GPC5: variants seen among roughly 807,000 people sequenced by gnomAD.
GPC5 encodes the protein glypican-5.
Under a neutral mutation model 53.9 loss-of-function variants are expected in GPC5, and 47 were observed. That is an observed-to-expected ratio of 0.87 (90% CI 0.69 to 1.11). The LOEUF (loss-of-function observed/expected upper bound fraction) is 1.11. Among genes scored for constraint, GPC5 ranks in the 50% most tolerant of loss-of-function variants. The pLI, the probability that GPC5 is intolerant of heterozygous loss-of-function variation, is 0.00. For missense variants in GPC5, 748 were observed against 713.1 expected, an observed-to-expected ratio of 1.05 and a Z score of -0.56; for synonymous variants, 286 against 263.3, an observed-to-expected ratio of 1.09 and a Z score of -0.84.
At chr13:91,596,389 A>C (rs971035304) in intron 2 of GPC5, among the ~76,000 whole-genome samples, 28 of 152,326 alleles carry the variant, frequency 1.8e-4, no homozygotes, top group African/African-American at 6.3e-4. Flanking sequence ...TATGTGGTTA[A>C]ATATATTGTT....
At chr13:91,600,690 T>C (rs917404685) in intron 2 of GPC5, among the ~76,000 whole-genome samples, 3 of 152,154 alleles carry the variant, frequency 2.0e-5, no homozygotes, top group Admixed American at 6.5e-5. Context: ...CTCACTGTTA[T>C]GTTAGGTTTT....
intron 2 of GPC5, among the ~76,000 whole-genome samples, chr13:91,532,184 TTA>T (rs1436809404): frequency 1.2e-4 from 19 of 152,152 alleles, no homozygotes; most frequent in Admixed American, 5.9e-4. Flanking sequence ...AATATTCATT[TTA>T]TATATGTTAT....
intron 7 of GPC5, among the ~76,000 whole-genome samples, chr13:92,474,148 T>G (rs1055838278): frequency 2.9e-4 from 7 of 24,306 alleles, no homozygotes; most frequent in Admixed American, 1.3e-3. Flanking sequence ...CATTGATCTG[T>G]TTTTTTTTTT....
At chr13:92,347,353 C>T (rs1046349880) in intron 7 of GPC5, among the ~76,000 whole-genome samples, 8 of 152,140 alleles carry the variant, frequency 5.3e-5, no homozygotes, top group Non-Finnish European at 1.2e-4. Flanking sequence ...TCAGGAGAAA[C>T]ACTGCAGGCC....
At chr13:91,697,444 T>G (rs978676262) in intron 3 of GPC5, among the ~76,000 whole-genome samples, 2 of 152,154 alleles carry the variant, frequency 1.3e-5, no homozygotes, top group African/African-American at 4.8e-5. Context: ...CCTGGCCTTC[T>G]CTGATGTTTT....
intron 5 of GPC5, among the ~76,000 whole-genome samples, chr13:91,783,391 C>T (rs2037828563): frequency 6.6e-6 from 1 of 152,072 alleles, no homozygotes; most frequent in Admixed American, 6.6e-5. Context: ...TAGAAACTGA[C>T]AAAAGACAGT....
At chr13:91,694,021 T>C (rs971848558) in intron 3 of GPC5, 140 bp downstream of exon 3, 2 of 719,512 alleles carry the variant, frequency 2.8e-6, no homozygotes, top group African/African-American at 3.6e-5. Flanking sequence ...TATGATAAAA[T>C]TTTGATTGGC....
intron 7 of GPC5, among the ~76,000 whole-genome samples, chr13:92,203,843 G>A (rs565886787): frequency 3.3e-5 from 5 of 149,400 alleles, no homozygotes; most frequent in East Asian, 2.0e-4. Context: ...GGTGAATCTC[G>A]GTAAAACTGC....
At chr13:92,408,451 TTTC>T (rs1209280963) in intron 7 of GPC5, among the ~76,000 whole-genome samples, 1 of 152,160 alleles carries the variant, frequency 6.6e-6, no homozygotes, top group Non-Finnish European at 1.5e-5. Context: ...TCATTTTTCC[TTTC>T]CATGAGAAGT....
chr13:92,489,290 A>G lies in GPC5; in HGVS notation c.1561+344301A>G, dbSNP rs376387128. Among the ~76,000 whole-genome samples the G allele has an allele frequency of 1.8e-4, 27 of 152,296 alleles. No individual in the cohort carries two copies. In the South Asian group the frequency reaches 5.6e-3, roughly 32 times the overall value. ...CTATACATATTTATCAAGTATTAGT[A>G]TGTGCAGGGCTATGTCTTCGTTGCT... On this transcript the variant is annotated intron_variant, in intron 7 of 7. Transcript: ENST00000377067.
At chr13:92,733,804 TTAAA>T (rs1252592945) in intron 7 of GPC5, among the ~76,000 whole-genome samples, 3 of 151,800 alleles carry the variant, frequency 2.0e-5, no homozygotes, top group Admixed American at 6.6e-5. Context: ...GTATTAGTAA[TTAAA>T]TAAAATCATA....
At chr13:91,912,673 C>T (rs891902740) in intron 6 of GPC5, among the ~76,000 whole-genome samples, 2 of 152,100 alleles carry the variant, frequency 1.3e-5, no homozygotes, top group African/African-American at 4.8e-5. Flanking sequence ...ATTATCCTAT[C>T]ATATGGAAAG....
intron 7 of GPC5, among the ~76,000 whole-genome samples, chr13:92,395,807 G>GTC (rs1437395800): frequency 6.6e-6 from 1 of 151,442 alleles, no homozygotes; most frequent in Non-Finnish European, 1.5e-5. Context: ...CATCCTTGCT[G>GTC]TATCAGTAAG....
At chr13:91,886,186 A>G (rs1235788554) in intron 5 of GPC5, among the ~76,000 whole-genome samples, 1 of 152,142 alleles carries the variant, frequency 6.6e-6, no homozygotes, top group Non-Finnish European at 1.5e-5. Flanking sequence ...AGGAGCAAAG[A>G]AATGTCTTAC....
chr13:91,933,282 C>T (rs2352196), intron 6 of GPC5, among the ~76,000 whole-genome samples: 93,030 of 151,662 alleles, frequency 0.61, 29,096 homozygotes, highest in East Asian at 0.74. Context: ...GTCTTTATTC[C>T]TACTGTTGTT....
intron 7 of GPC5, among the ~76,000 whole-genome samples, chr13:92,430,127 T>A (rs935712072): frequency 6.6e-6 from 1 of 151,520 alleles, no homozygotes; most frequent in Admixed American, 6.6e-5. Flanking sequence ...GAAAAAAAAA[T>A]TTAAAGAAAA....
intron 1 of GPC5, among the ~76,000 whole-genome samples, chr13:91,440,883 G>A (rs1880371736): frequency 6.6e-6 from 1 of 152,210 alleles, no homozygotes; most frequent in South Asian, 2.1e-4. Flanking sequence ...GTATGGTTCA[G>A]GGGTCAGCCA....
At position 92,144,898 on chromosome 13, in the gene GPC5, G is replaced by T. The variant is rs774830399; in HGVS notation, c.1470G>T (p.Met490Ile). Residue 490 changes from methionine (M) to isoleucine (I), a missense_variant, in exon 7 of 8, where the codon ATG (methionine) becomes ATT (isoleucine). Met to Ile is a conservative substitution (Grantham distance 10). Coordinates refer to ENST00000377067, the MANE Select transcript of GPC5 (RefSeq NM_004466.6). ...TTCAGCTGGGCAGTGGTGGAGGCAT[G>T]GTTGAACAAGTCAGTGGGGACTGTG... ...ELLQLGSGGG[M>I]VEQVSGDCDD... is the part of the protein sequence containing the mutation. 1 of 1,609,562 alleles carries T rather than the reference G, an allele frequency of 6.2e-7. No homozygotes were observed. The highest frequency in any genetic ancestry group is 1.3e-5 in the African/African-American group (1 of 74,494).
intron 7 of GPC5, among the ~76,000 whole-genome samples, chr13:92,600,687 AC>A (rs1405740607): frequency 4.5e-5 from 5 of 111,676 alleles, no homozygotes; most frequent in African/African-American, 9.6e-5. Context: ...TTGCATTTTT[AC>A]TAGAGATGGG....
Sources: gnomAD v4.1 joint callset for allele counts (sites outside exome capture counted in the v4.1 genomes callset) on GRCh38, gnomAD v4.1.1 for gene constraint, MANE v1.5 for transcripts, NCBI Gene and HGNC (gene_info 2026-07-23, HGNC 2026-07-21) for gene names.